Variants in NCOA7 observed in about 807,000 individuals in gnomAD.
NCOA7 encodes the protein nuclear receptor coactivator 7.
NCOA7 carries 45 observed loss-of-function variants against 104.3 expected under a neutral mutation model. The ratio of observed to expected loss-of-function variants is 0.43; its 90% CI spans 0.34 to 0.55. NCOA7 has a LOEUF of 0.55. NCOA7 is among the 20% of genes least tolerant of loss of function. The pLI, the probability that NCOA7 is intolerant of heterozygous loss-of-function variation, is 0.02. For synonymous variants in NCOA7, 398 were observed against 402.3 expected (o/e 0.99, Z 0.13); for missense variants, 1,041 against 1,119.7 (o/e 0.93, Z 1.00).
chr6:125,883,804 C>T (rs560356945), intron 7 of NCOA7, among the ~76,000 whole-genome samples: 46 of 147,656 alleles, frequency 3.1e-4, no homozygotes, highest in African/African-American at 1.1e-3. Context: ...ACTGCATCCT[C>T]TGCCTCCTGG....
rs1788279224 is a variant in NCOA7 at position 125,928,835 on chromosome 6, G to A, written c.*64G>A. 1 of 1,542,134 alleles carries A rather than the reference G, an allele frequency of 6.5e-7. No individual in the cohort carries two copies. Among genetic ancestry groups the A allele is most frequent in the Non-Finnish European group, 8.7e-7 (1 of 1,147,986 alleles). On this transcript the variant is annotated 3_prime_UTR_variant, in exon 16 of 16. Transcript: ENST00000392477. ...GGTTCGATCAGCCCTCCTAAAGCTGGCTGGAAAAAGAAGCCCCAGCCCAGC... is the reference window on the plus strand; with the variant it reads ...GGTTCGATCAGCCCTCCTAAAGCTGACTGGAAAAAGAAGCCCCAGCCCAGC...
At chr6:125,814,342 G>A (rs138877416) in intron 1 of NCOA7, among the ~76,000 whole-genome samples, 4 of 152,242 alleles carry the variant, frequency 2.6e-5, no homozygotes, top group Admixed American at 6.5e-5. Flanking sequence ...TTTTGGTAGA[G>A]ATGTGGTTTC....
rs62428466 is a variant in NCOA7 at position 125,867,111 on chromosome 6, G to C, written c.272-7778G>C. 3.8e-3 allele frequency among the ~76,000 whole-genome samples: 576 copies of C among 152,192 alleles called. 2 individuals are homozygous for C. The highest frequency in any genetic ancestry group is 6.1e-3 in the Non-Finnish European group (413 of 68,000). On this transcript the variant is annotated intron_variant, in intron 3 of 15. Transcript: ENST00000392477. ...CATTGTCTTGTTATATTTATTCCTA[G>C]ATGTCATATAGTTTGATACCACTCT...
intron 10 of NCOA7, chr6:125,913,580 T>C: frequency 3.7e-6 from 3 of 813,248 alleles, no homozygotes; most frequent in South Asian, 5.6e-5. Flanking sequence ...ACTTTTGTAA[T>C]AGAAATGGTA....
chr6:125,821,931 A>T (rs1459659890), intron 2 of NCOA7, among the ~76,000 whole-genome samples: 1 of 152,168 alleles, frequency 6.6e-6, no homozygotes, highest in East Asian at 1.9e-4. Context: ...TGGGTGGTTG[A>T]TCTGCAGCAC....
chr6:125,800,323 A>G (rs1330964863), intron 1 of NCOA7, among the ~76,000 whole-genome samples: 1 of 152,230 alleles, frequency 6.6e-6, no homozygotes, highest in East Asian at 1.9e-4. Context: ...CATGTACCAC[A>G]TGAAGGTACA....
intron 10 of NCOA7, among the ~76,000 whole-genome samples, chr6:125,906,055 G>A (rs780357683): frequency 1.8e-4 from 28 of 152,010 alleles, no homozygotes; most frequent in Admixed American, 3.3e-4. Context: ...CTCCCACCTC[G>A]GCTTCCCAAA....
chr6:125,818,005 TTCTTCCTGCTCC>T (rs1380483813), intron 2 of NCOA7, among the ~76,000 whole-genome samples: 61 of 151,848 alleles, frequency 4.0e-4, no homozygotes, highest in African/African-American at 8.0e-4. Flanking sequence ...CCTCCTCCCT[TTCTTCCTGCTCC>T]TCTTCCTGCT....
chr6:125,871,250 G>T (rs1258674616), intron 3 of NCOA7, among the ~76,000 whole-genome samples: 1 of 152,144 alleles, frequency 6.6e-6, no homozygotes, highest in East Asian at 1.9e-4. Flanking sequence ...TTTGGGATGG[G>T]TATGGATCCT....
At chr6:125,892,487 A>G (rs1784696552) in intron 10 of NCOA7, among the ~76,000 whole-genome samples, 1 of 152,154 alleles carries the variant, frequency 6.6e-6, no homozygotes, top group Admixed American at 6.6e-5. Flanking sequence ...CCTGGCCAAC[A>G]TGGTGAAACC....
chr6:125,871,569 CAT>C (rs1782910390), intron 3 of NCOA7, among the ~76,000 whole-genome samples: 1 of 152,192 alleles, frequency 6.6e-6, no homozygotes, highest in South Asian at 2.1e-4. Flanking sequence ...AACTGTAAAA[CAT>C]AGTATTTGCC....
intron 10 of NCOA7, among the ~76,000 whole-genome samples, chr6:125,909,321 G>A (rs1347611466): frequency 6.6e-6 from 1 of 152,170 alleles, no homozygotes; most frequent in Non-Finnish European, 1.5e-5. Context: ...ATGCCATCCA[G>A]TGTCCAGCTC....
At chr6:125,887,857 G>A (rs1362132917) in intron 8 of NCOA7, among the ~76,000 whole-genome samples, 4 of 151,970 alleles carry the variant, frequency 2.6e-5, no homozygotes, top group Non-Finnish European at 5.9e-5. Flanking sequence ...TAAGTGGATG[G>A]GTTTACTCAA....
chr6:125,830,335 C>T lies in NCOA7; in HGVS notation c.50+14931C>T, dbSNP rs189986897. 2.6e-5 allele frequency among the ~76,000 whole-genome samples: 4 copies of T among 152,264 alleles called. No individual in the cohort carries two copies. In the East Asian group the frequency reaches 7.7e-4, roughly 29 times the overall value. The stretch of plus-strand genomic sequence containing the variant: ...GAGTATCATAAGTTTCTAAATCTCT[C>T]CACCTAAGATGGAGTTTTCAGATTC... On this transcript the variant is annotated intron_variant, in intron 2 of 15. Coordinates refer to ENST00000392477, the MANE Select transcript of NCOA7 (RefSeq NM_181782.5).
At chr6:125,927,308 G>A (rs1276023694) in intron 13 of NCOA7, among the ~76,000 whole-genome samples, 2 of 152,148 alleles carry the variant, frequency 1.3e-5, no homozygotes, top group African/African-American at 2.4e-5. Context: ...GTATCTTCTT[G>A]TGGCTTAATG....
intron 2 of NCOA7, among the ~76,000 whole-genome samples, chr6:125,819,159 G>A (rs1486651595): frequency 1.3e-5 from 2 of 152,018 alleles, no homozygotes; most frequent in African/African-American, 4.8e-5. Context: ...TTTTCTTTGT[G>A]TGCTATCTTA....
At chr6:125,879,567 C>G (rs959048557) in intron 5 of NCOA7, among the ~76,000 whole-genome samples, 6 of 151,818 alleles carry the variant, frequency 4.0e-5, no homozygotes, top group African/African-American at 1.5e-4. Flanking sequence ...TTATTGTTGT[C>G]TCAAATATTT....
At chr6:125,841,051 C>G (rs1780119753) in intron 2 of NCOA7, among the ~76,000 whole-genome samples, 1 of 151,300 alleles carries the variant, frequency 6.6e-6, no homozygotes, top group South Asian at 2.1e-4. Context: ...TGCCACTGTG[C>G]CCAGCTAATT....
chr6:125,866,697 G>C (rs975797358), intron 3 of NCOA7, among the ~76,000 whole-genome samples: 2 of 152,100 alleles, frequency 1.3e-5, no homozygotes, highest in African/African-American at 4.8e-5. Flanking sequence ...TAAGTTACAT[G>C]ATATTTATGG....
Sources: allele counts gnomAD v4.1 joint callset (sites outside exome capture counted in the v4.1 genomes callset), GRCh38; gene constraint gnomAD v4.1.1; transcripts MANE v1.5; gene names NCBI Gene and HGNC (gene_info 2026-07-23, HGNC 2026-07-21).